The following PIEZO2 variants were observed in gnomAD, a reference collection of about 807,000 sequenced individuals.
The protein encoded by PIEZO2 is piezo-type mechanosensitive ion channel component 2.
PIEZO2 carries 172 observed loss-of-function variants against 337.3 expected under a neutral mutation model. The ratio of observed to expected loss-of-function variants is 0.51; its 90% CI spans 0.45 to 0.58. The LOEUF (loss-of-function observed/expected upper bound fraction) is 0.58. Among genes scored for constraint, PIEZO2 ranks in the 20% least tolerant of loss-of-function variants. The pLI is 0.00. For synonymous variants in PIEZO2, 1,251 were observed against 1,228.5 expected, an observed-to-expected ratio of 1.02 and a Z score of -0.38; for missense variants, 3,028 against 3,391.3, an observed-to-expected ratio of 0.89 and a Z score of 2.66.
Position 11,081,075 on chromosome 18 carries a change from G to A in PIEZO2, c.65-14853C>T, listed in dbSNP as rs535750884. 4.6e-5 allele frequency among the ~76,000 whole-genome samples: 7 copies of A among 152,270 alleles called. No individual in the cohort carries two copies. The South Asian group carries it at 1.5e-3, about 32-fold the overall frequency. ...TAATTTCCACTTAGGCATCCAGAAA[G>A]AGGCAAGAAACAAGAAAGTTTCCTG... is the stretch of plus-strand genomic sequence containing the variant. On this transcript the variant is annotated intron_variant, in intron 1 of 55. Transcript: ENST00000674853.
chr18:10,989,818 A>G (rs1041679085), intron 2 of PIEZO2, among the ~76,000 whole-genome samples: 1 of 152,188 alleles, frequency 6.6e-6, no homozygotes, highest in African/African-American at 2.4e-5. Context: ...TTAGAAAAAA[A>G]TCATAATAGG....
intron 21 of PIEZO2, among the ~76,000 whole-genome samples, chr18:10,768,349 T>C (rs915262293): frequency 8.5e-5 from 13 of 152,158 alleles, no homozygotes; most frequent in Admixed American, 5.2e-4. Flanking sequence ...ACCATGAGGG[T>C]CTGAAGAGAA....
At chr18:10,774,907 AAGTT>A (rs1232977305) in intron 18 of PIEZO2, among the ~76,000 whole-genome samples, 3 of 152,320 alleles carry the variant, frequency 2.0e-5, no homozygotes, top group Admixed American at 6.5e-5. Flanking sequence ...AACTTTGTGA[AAGTT>A]AATTAATTTT....
chr18:11,101,415 A>G lies in PIEZO2; in HGVS notation c.65-35193T>C, dbSNP rs948923745. Reference sequence around the variant, plus strand: ...GGTTCCCTTAAAGTTATAGGATAACATAAAAAACCTCTGTTTTCAGCAAAT... The same window carrying G: ...GGTTCCCTTAAAGTTATAGGATAACGTAAAAAACCTCTGTTTTCAGCAAAT... On this transcript the variant is annotated intron_variant, in intron 1 of 55. Coordinates refer to ENST00000674853, the MANE Select transcript of PIEZO2 (RefSeq NM_001378183.1). The surrounding 1 kb of genome is among the most constrained non-coding windows in gnomAD (Gnocchi z 4.4). Among the ~76,000 whole-genome samples the G allele has an allele frequency of 1.3e-5, 2 of 152,260 alleles. No individual in the cohort carries two copies. The highest frequency in any genetic ancestry group is 4.8e-5 in the African/African-American group (2 of 41,474).
intron 40 of PIEZO2, among the ~76,000 whole-genome samples, 185 bp downstream of exon 40, chr18:10,708,089 TA>T (rs1457238426): frequency 6.6e-6 from 1 of 152,214 alleles, no homozygotes; most frequent in African/African-American, 2.4e-5. Flanking sequence ...TAGTTTAATA[TA>T]ATGCTGTCCT....
intron 1 of PIEZO2, among the ~76,000 whole-genome samples, chr18:11,072,233 C>G (rs2038368601): frequency 6.6e-6 from 1 of 152,032 alleles, no homozygotes; most frequent in Admixed American, 6.6e-5. Flanking sequence ...AGTAGGGGAT[C>G]CATGCTTACA....
At chr18:11,087,311 G>A (rs1341029462) in intron 1 of PIEZO2, among the ~76,000 whole-genome samples, 1 of 152,144 alleles carries the variant, frequency 6.6e-6, no homozygotes, top group Non-Finnish European at 1.5e-5. Flanking sequence ...ACCACCCTTA[G>A]TGTCATTTTC....
intron 7 of PIEZO2, among the ~76,000 whole-genome samples, chr18:10,817,491 C>G (rs1317847520): frequency 6.6e-6 from 1 of 152,158 alleles, no homozygotes; most frequent in Admixed American, 6.5e-5. Context: ...AAGGCACAAT[C>G]TTGTTCATAA....
intron 4 of PIEZO2, chr18:10,893,766 C>G (rs910113778): frequency 1.3e-5 from 2 of 152,028 alleles, no homozygotes; most frequent in Non-Finnish European, 2.9e-5. Flanking sequence ...TGTTCAGTAA[C>G]AGCTAACTGT....
intron 17 of PIEZO2, among the ~76,000 whole-genome samples, chr18:10,782,825 C>T (rs987657554): frequency 6.6e-6 from 1 of 152,052 alleles, no homozygotes; most frequent in South Asian, 2.1e-4. Context: ...TCCCCAGAAC[C>T]TGCATAGGCT....
intron 7 of PIEZO2, among the ~76,000 whole-genome samples, chr18:10,851,764 A>T (rs1263317642): frequency 6.6e-6 from 1 of 152,206 alleles, no homozygotes; most frequent in Non-Finnish European, 1.5e-5. Flanking sequence ...ATCATTTTAC[A>T]TGGTGCCCAG....
chr18:10,932,841 T>C (rs2032169869), intron 3 of PIEZO2, among the ~76,000 whole-genome samples: 1 of 151,958 alleles, frequency 6.6e-6, no homozygotes, highest in African/African-American at 2.4e-5. Flanking sequence ...GGAGAATCAC[T>C]TGAGCCTAGG....
intron 3 of PIEZO2, among the ~76,000 whole-genome samples, chr18:10,974,286 T>C (rs1470506990): frequency 6.6e-6 from 1 of 152,160 alleles, no homozygotes; most frequent in East Asian, 1.9e-4. Context: ...TCTTGGTTGG[T>C]GGGCTTCTGG....
At chr18:10,831,237 C>T (rs905951202) in intron 7 of PIEZO2, among the ~76,000 whole-genome samples, 4 of 152,146 alleles carry the variant, frequency 2.6e-5, no homozygotes, top group East Asian at 1.9e-4. Flanking sequence ...ATGTTTACTG[C>T]GGCACTCTTC....
chr18:10,858,321 C>CAAAAAAAAAAAAAAAAAAAAA (rs11361243), intron 5 of PIEZO2, among the ~76,000 whole-genome samples: 1 of 56,350 alleles, frequency 1.8e-5, no homozygotes, highest in Non-Finnish European at 3.3e-5. Context: ...GACTTCAACC[C>CAAAAAAAAAAAAAAAAAAAAA]AAAAAAAAAA....
rs575004655 is a variant in PIEZO2 at position 10,861,145 on chromosome 18, G to A, written c.493-3934C>T. ...TCTGAAAGAGCATGGACTCACTCTC[G>A]CATGTTTACTAACAGGCAGTCTTGC... On this transcript the variant is annotated intron_variant, in intron 5 of 55. Transcript: ENST00000674853. This position sits in a 1 kb window ranked among gnomAD's most constrained non-coding sequence, Gnocchi z 4.3. Among the ~76,000 whole-genome samples the A allele has an allele frequency of 1.3e-5, 2 of 152,156 alleles. No homozygotes were observed. Among genetic ancestry groups the A allele is most frequent in the East Asian group, 1.9e-4 (1 of 5,190 alleles).
At chr18:10,729,311 G>C (rs1206983360) in intron 36 of PIEZO2, among the ~76,000 whole-genome samples, 1 of 151,922 alleles carries the variant, frequency 6.6e-6, no homozygotes, top group African/African-American at 2.4e-5. Context: ...AGCCATCTAT[G>C]GATACATTTC....
rs546768532 is a variant in PIEZO2 at position 10,678,047 on chromosome 18, C to T, written c.7953-172G>A. 6.6e-5 allele frequency among the ~76,000 whole-genome samples: 10 copies of T among 152,298 alleles called. No individual in the cohort carries two copies. The East Asian group carries it at 1.9e-3, about 29-fold the overall frequency. On this transcript the variant is annotated intron_variant, in intron 52 of 55. Coordinates refer to ENST00000674853, the MANE Select transcript of PIEZO2 (RefSeq NM_001378183.1). Reference sequence around the variant, plus strand: ...TCACCTCAATGCTCAGCTTCTTAGACAATCGAGTTAATAGAACCCAAGGAG... The same window carrying T: ...TCACCTCAATGCTCAGCTTCTTAGATAATCGAGTTAATAGAACCCAAGGAG...
In PIEZO2 at chr18:11,101,570, G is replaced by A. The variant is rs1007406405; in HGVS notation, c.65-35348C>T. 2.0e-5 allele frequency among the ~76,000 whole-genome samples: 3 copies of A among 152,232 alleles called. No individual in the cohort carries two copies. The highest frequency in any genetic ancestry group is 7.2e-5 in the African/African-American group (3 of 41,468). On this transcript the variant is annotated intron_variant, in intron 1 of 55. Transcript: ENST00000674853. The surrounding 1 kb of genome is among the most constrained non-coding windows in gnomAD (Gnocchi z 4.4). ...AATAATTCTTAAAAGACGTTCCAGT[G>A]TAGAGGTGTTGAAATTTTTAAGTGA...
Sources: allele counts gnomAD v4.1 joint callset (sites outside exome capture counted in the v4.1 genomes callset), GRCh38; gene constraint gnomAD v4.1.1; non-coding constraint Gnocchi (gnomAD v3.1); transcripts MANE v1.5; gene names NCBI Gene and HGNC (gene_info 2026-07-23, HGNC 2026-07-21).